Variants in PTPRD observed in about 807,000 individuals in gnomAD.
PTPRD encodes protein tyrosine phosphatase receptor type D.
In PTPRD, 34 loss-of-function variants were observed where a neutral mutation model predicts 214.5. The ratio of observed to expected loss-of-function variants is 0.16; its 90% CI spans 0.12 to 0.21. The LOEUF (loss-of-function observed/expected upper bound fraction) is 0.21, where lower values mean the gene tolerates loss of function less well. Ranked by LOEUF, PTPRD falls within the 10% of genes least tolerant of loss-of-function variation. The pLI is 1.00. For synonymous variants in PTPRD, 1,128 were observed against 845.7 expected (o/e 1.33, Z -5.79); for missense variants, 2,545 against 2,398.7 (o/e 1.06, Z -1.27).
At chr9:9,785,344 G>A (rs1375766875) in intron 5 of PTPRD, among the ~76,000 whole-genome samples, 1 of 151,880 alleles carries the variant, frequency 6.6e-6, no homozygotes, top group Non-Finnish European at 1.5e-5. Context: ...GCTATGAAGG[G>A]AAAAACACTA....
Position 9,481,575 on chromosome 9 carries a change from A to C in PTPRD, c.-236-84093T>G, listed in dbSNP as rs115570460. Among the ~76,000 whole-genome samples the C allele has an allele frequency of 4.0e-3, 602 of 152,240 alleles. 3 individuals are homozygous for C. The highest frequency in any genetic ancestry group is 0.014 in the African/African-American group (573 of 41,550). On this transcript the variant is annotated intron_variant, in intron 8 of 45. Transcript: ENST00000381196. ...CAGAAGAAAAATGAATATAAAAATA[A>C]ATATATAATAGTTAATTCAAGCTGG...
intron 3 of PTPRD, among the ~76,000 whole-genome samples, chr9:10,291,811 C>A (rs1229900011): frequency 3.3e-5 from 5 of 151,922 alleles, no homozygotes; most frequent in African/African-American, 1.2e-4. Context: ...GTTGCAGAAG[C>A]CAGAGGAAAC....
At chr9:9,482,064 A>G (rs1220347641) in intron 8 of PTPRD, among the ~76,000 whole-genome samples, 2 of 152,132 alleles carry the variant, frequency 1.3e-5, no homozygotes, top group East Asian at 3.9e-4. Context: ...CCCATTCAGC[A>G]TCTGTATCTG....
chr9:8,777,269 G>C (rs1014291923), intron 11 of PTPRD, among the ~76,000 whole-genome samples: 4 of 151,702 alleles, frequency 2.6e-5, no homozygotes, highest in Non-Finnish European at 5.9e-5. Context: ...AAACTTTTTT[G>C]TTAAACTAGT....
chr9:10,595,218 T>G (rs1439637049), intron 2 of PTPRD, among the ~76,000 whole-genome samples: 2 of 151,930 alleles, frequency 1.3e-5, no homozygotes, highest in Non-Finnish European at 2.9e-5. Context: ...ATTAATTATC[T>G]AGGCAGCTGA....
intron 3 of PTPRD, among the ~76,000 whole-genome samples, chr9:10,074,738 A>C (rs981709317): frequency 6.6e-6 from 1 of 152,116 alleles, no homozygotes; most frequent in African/African-American, 2.4e-5. Flanking sequence ...TTGTGCATTC[A>C]GCTTATGTTT....
At position 8,317,092 on chromosome 9, in the gene PTPRD, C is replaced by T. The variant is rs541219046; in HGVS notation, c.*782G>A. The stretch of plus-strand genomic sequence containing the variant: ...AGAGAATGGGTACTTTCTCACCAAT[C>T]AAAACTGAAGTGTAAAATTAATATA... On this transcript the variant is annotated 3_prime_UTR_variant, in exon 46 of 46. Transcript: ENST00000381196. 5 of 227,698 alleles carry T rather than the reference C, an allele frequency of 2.2e-5. No individual in the cohort carries two copies. The highest frequency in any genetic ancestry group is 3.4e-5 in the Non-Finnish European group (4 of 116,810). The allele number at this position is 227,698 out of a possible 1,614,324, so 14.1% of individuals were successfully genotyped here.
intron 39 of PTPRD, among the ~76,000 whole-genome samples, chr9:8,353,898 ATGTATATATG>A (rs1196998191): frequency 1.4e-5 from 2 of 143,802 alleles, no homozygotes; most frequent in Non-Finnish European, 3.0e-5. Context: ...ATATGTATAT[ATGTATATATG>A]TGTATATATG....
At chr9:9,930,531 G>T (rs958218323) in intron 5 of PTPRD, among the ~76,000 whole-genome samples, 2 of 152,070 alleles carry the variant, frequency 1.3e-5, no homozygotes, top group South Asian at 4.1e-4. Context: ...ACTGGATAAA[G>T]AACTGCAGAA....
intron 2 of PTPRD, among the ~76,000 whole-genome samples, chr9:10,404,195 TAAAC>T (rs1193144700): frequency 6.6e-6 from 1 of 151,746 alleles, no homozygotes; most frequent in Non-Finnish European, 1.5e-5. Flanking sequence ...AAATAAATAA[TAAAC>T]AAACAAACAA....
chr9:10,388,959 A>C (rs1290557841), intron 2 of PTPRD, among the ~76,000 whole-genome samples: 2 of 151,904 alleles, frequency 1.3e-5, no homozygotes, highest in Non-Finnish European at 2.9e-5. Context: ...TAGAAGTTGA[A>C]AGATTTAATC....
intron 3 of PTPRD, among the ~76,000 whole-genome samples, chr9:10,277,764 T>C (rs1259824692): frequency 6.6e-6 from 1 of 152,124 alleles, no homozygotes; most frequent in Non-Finnish European, 1.5e-5. Context: ...AAGAATCACC[T>C]ACATAGTGGA....
intron 9 of PTPRD, among the ~76,000 whole-genome samples, chr9:9,271,634 C>T (rs1386863398): frequency 6.6e-6 from 1 of 151,298 alleles, no homozygotes; most frequent in African/African-American, 2.4e-5. Flanking sequence ...CTATGCAACT[C>T]AGAGAATTTC....
At chr9:10,595,464 G>T (rs1186939631) in intron 2 of PTPRD, among the ~76,000 whole-genome samples, 1 of 151,302 alleles carries the variant, frequency 6.6e-6, no homozygotes, top group African/African-American at 2.4e-5. Context: ...AGCAAAGTAG[G>T]ACCCTTTAAA....
chr9:10,031,960 G>A (rs1464220454), intron 4 of PTPRD, among the ~76,000 whole-genome samples: 3 of 152,022 alleles, frequency 2.0e-5, no homozygotes, highest in African/African-American at 4.8e-5. Flanking sequence ...CAGGAATTAG[G>A]AATGCTTTCA....
intron 39 of PTPRD, 55 bp downstream of exon 39, chr9:8,375,881 T>G: frequency 1.9e-6 from 3 of 1,570,206 alleles, no homozygotes; most frequent in South Asian, 1.2e-5. Context: ...AAACATCCAA[T>G]GAGAGTCAAT....
intron 3 of PTPRD, among the ~76,000 whole-genome samples, chr9:10,300,265 C>G (rs1030066553): frequency 6.6e-6 from 1 of 152,162 alleles, no homozygotes; most frequent in African/African-American, 2.4e-5. Flanking sequence ...TCACAACCCG[C>G]AGAACAGGAG....
At chr9:8,461,701 T>C (rs1029051878) in intron 32 of PTPRD, among the ~76,000 whole-genome samples, 13 of 151,966 alleles carry the variant, frequency 8.6e-5, no homozygotes, top group African/African-American at 3.1e-4. Flanking sequence ...AAAACTTTTA[T>C]CTCTGGCTCT....
intron 7 of PTPRD, among the ~76,000 whole-genome samples, chr9:9,596,727 T>C (rs1278736497): frequency 2.0e-5 from 3 of 152,052 alleles, no homozygotes; most frequent in Non-Finnish European, 4.4e-5. Context: ...AAGTACCTAA[T>C]AGGCTTGTGT....
Sources: allele counts gnomAD v4.1 joint callset (sites outside exome capture counted in the v4.1 genomes callset), GRCh38; gene constraint gnomAD v4.1.1; transcripts MANE v1.5; gene names NCBI Gene and HGNC (gene_info 2026-07-23, HGNC 2026-07-21).